RGS6: variants seen among roughly 807,000 people sequenced by gnomAD.
RGS6 encodes regulator of G protein signaling 6, also known as regulator of G-protein signaling 6.
In RGS6, 30 loss-of-function variants were observed where a neutral mutation model predicts 78.5. The ratio of observed to expected loss-of-function variants is 0.38; its 90% CI spans 0.29 to 0.52. The LOEUF (loss-of-function observed/expected upper bound fraction) is 0.52. Ranked by LOEUF, RGS6 falls within the 20% of genes least tolerant of loss-of-function variation. The pLI is 0.85. For synonymous variants in RGS6, 206 were observed against 206.0 expected (o/e 1.00, Z 0.00); for missense variants, 495 against 609.7 (o/e 0.81, Z 1.98).
At chr14:72,383,801 G>C (rs182893045) in intron 3 of RGS6, among the ~76,000 whole-genome samples, 10 of 152,164 alleles carry the variant, frequency 6.6e-5, no homozygotes, top group Admixed American at 5.2e-4. Context: ...CTTTCAAAGG[G>C]TGGGGGGGGA....
chr14:72,490,839 T>C (rs897219379), intron 12 of RGS6, among the ~76,000 whole-genome samples: 2 of 152,236 alleles, frequency 1.3e-5, no homozygotes, highest in Non-Finnish European at 2.9e-5. Flanking sequence ...ACATCTTGTG[T>C]CCTGAATGTT....
chr14:72,508,670 C>G (rs1480702935), intron 13 of RGS6, among the ~76,000 whole-genome samples: 1 of 137,456 alleles, frequency 7.3e-6, no homozygotes, highest in Non-Finnish European at 1.5e-5. Flanking sequence ...CTCTTACTGT[C>G]TGTTGGAAAT....
chr14:72,454,639 GT>G (rs1251817948), intron 4 of RGS6, 61 bp downstream of exon 4: 6 of 1,412,602 alleles, frequency 4.2e-6, no homozygotes, highest in Non-Finnish European at 5.9e-6. Context: ...CCATAACCAA[GT>G]TCCAAACTAG....
At chr14:72,580,719 G>C in the RGS6 span, among the ~76,000 whole-genome samples, 15 of 152,186 alleles carry the variant, frequency 9.9e-5, no homozygotes, top group Non-Finnish European at 1.9e-4. Flanking sequence ...GCCTGTGTTG[G>C]TGTACTATGC....
At chr14:72,580,281 C>T in the RGS6 span, among the ~76,000 whole-genome samples, 1 of 151,052 alleles carries the variant, frequency 6.6e-6, no homozygotes, top group South Asian at 2.1e-4. Flanking sequence ...CACCACTTCC[C>T]TAGACCCTGT....
At chr14:72,147,698 A>G (rs1187573417) in intron 2 of RGS6, among the ~76,000 whole-genome samples, 3 of 152,202 alleles carry the variant, frequency 2.0e-5, no homozygotes, top group African/African-American at 7.2e-5. Flanking sequence ...GTGTGGTAAG[A>G]GAAAGCACAG....
intron 2 of RGS6, among the ~76,000 whole-genome samples, chr14:72,035,676 TA>T (rs1287765440): frequency 2.0e-5 from 3 of 152,132 alleles, no homozygotes; most frequent in Admixed American, 6.6e-5. Context: ...GATAGAGGTT[TA>T]TTTAGCCAAA....
At chr14:72,249,470 A>G (rs529370750) in intron 2 of RGS6, among the ~76,000 whole-genome samples, 1 of 152,356 alleles carries the variant, frequency 6.6e-6, no homozygotes, top group Non-Finnish European at 1.5e-5. Flanking sequence ...GCAGTTTCTC[A>G]AAATAACCAG....
intron 2 of RGS6, among the ~76,000 whole-genome samples, chr14:72,343,459 A>T (rs918774638): frequency 1.3e-5 from 2 of 152,208 alleles, no homozygotes; most frequent in Admixed American, 6.5e-5. Context: ...CTGGATAACC[A>T]GGGTCATCTC....
chr14:72,360,116 A>G (rs1596257469), intron 3 of RGS6, among the ~76,000 whole-genome samples: 1 of 152,136 alleles, frequency 6.6e-6, no homozygotes, highest in Non-Finnish European at 1.5e-5. Flanking sequence ...ATGTAGGAGA[A>G]TGGGAAAACT....
chr14:72,095,105 T>C (rs1000448944), intron 2 of RGS6, among the ~76,000 whole-genome samples: 10 of 152,018 alleles, frequency 6.6e-5, no homozygotes, highest in South Asian at 4.2e-4. Context: ...TGGTTGAAAA[T>C]GTACCTCCGC....
chr14:72,117,283 G>A (rs1475737212), intron 2 of RGS6, among the ~76,000 whole-genome samples: 2 of 152,084 alleles, frequency 1.3e-5, no homozygotes, highest in Non-Finnish European at 2.9e-5. Context: ...GCTGGTGGGA[G>A]GTGTTTGGAT....
At chr14:72,480,658 C>A (rs971234611) in intron 12 of RGS6, among the ~76,000 whole-genome samples, 1 of 152,056 alleles carries the variant, frequency 6.6e-6, no homozygotes, top group South Asian at 2.1e-4. Flanking sequence ...AGCTGGGAGC[C>A]GGGCCTGTCA....
chr14:72,607,466 C>A, the RGS6 span, among the ~76,000 whole-genome samples: 2 of 152,226 alleles, frequency 1.3e-5, no homozygotes, highest in Non-Finnish European at 2.9e-5. Flanking sequence ...CTCTGCCCCC[C>A]ATGACATAAT....
chr14:72,466,175 G>A (rs963689939), intron 7 of RGS6, among the ~76,000 whole-genome samples: 3 of 152,148 alleles, frequency 2.0e-5, no homozygotes, highest in South Asian at 2.1e-4. Flanking sequence ...GATTAAATCC[G>A]TGGTGAGATA....
At chr14:71,896,962 A>C in the RGS6 span, among the ~76,000 whole-genome samples, 11 of 152,188 alleles carry the variant, frequency 7.2e-5, no homozygotes, top group African/African-American at 1.7e-4. Flanking sequence ...GTAGGGTTAG[A>C]TTGGCTTAGG....
Position 72,430,929 on chromosome 14 carries a change from C to T in RGS6, c.185-23599C>T, listed in dbSNP as rs183552939. Among the ~76,000 whole-genome samples the T allele has an allele frequency of 2.8e-3, 426 of 152,302 alleles. 2 individuals carry two copies. Among genetic ancestry groups the T allele is most frequent in the African/African-American group, 9.9e-3 (411 of 41,578 alleles). On this transcript the variant is annotated intron_variant, in intron 3 of 17. Coordinates refer to ENST00000553525, the MANE Select transcript of RGS6 (RefSeq NM_001204424.2). ...ATCCAGGAAACATTCCTTTGTTCTG[C>T]TCTGCTTCATTCAGACCTCTCCTGG...
At chr14:72,170,153 C>T (rs1016327541) in intron 2 of RGS6, among the ~76,000 whole-genome samples, 1 of 152,130 alleles carries the variant, frequency 6.6e-6, no homozygotes, top group African/African-American at 2.4e-5. Flanking sequence ...ATAATATACT[C>T]ACAAAGTATT....
chr14:71,981,023 T>C (rs1056400900), intron 2 of RGS6, among the ~76,000 whole-genome samples: 10 of 146,682 alleles, frequency 6.8e-5, no homozygotes, highest in East Asian at 6.0e-4. Context: ...CATCTTCCAT[T>C]GCTGATACCC....
Sources: allele counts gnomAD v4.1 joint callset (sites outside exome capture counted in the v4.1 genomes callset), GRCh38; gene constraint gnomAD v4.1.1; transcripts MANE v1.5; gene names NCBI Gene and HGNC (gene_info 2026-07-23, HGNC 2026-07-21).